PCSK6: variants seen among roughly 807,000 people sequenced by gnomAD.
The protein encoded by PCSK6 is paired basic amino acid cleaving enzyme 4.
In PCSK6, 85 loss-of-function variants were observed where a neutral mutation model predicts 123.3. The observed-to-expected ratio is 0.69, with a 90% CI of 0.58 to 0.83. The LOEUF (loss-of-function observed/expected upper bound fraction) is 0.83. Ranked by LOEUF, PCSK6 falls within the 40% of genes least tolerant of loss-of-function variation. The pLI is 0.00. For synonymous variants in PCSK6, 508 were observed against 516.0 expected, an observed-to-expected ratio of 0.98 and a Z score of 0.21; for missense variants, 1,191 against 1,282.3, an observed-to-expected ratio of 0.93 and a Z score of 1.09.
intron 13 of PCSK6, chr15:101,347,715 C>T (rs775648969): frequency 1.2e-6 from 2 of 1,613,684 alleles, no homozygotes; most frequent in Non-Finnish European, 1.7e-6. Flanking sequence ...TGCAGTATTT[C>T]ACAGAGATTA....
At chr15:101,341,126 G>A (rs1027283772) in intron 13 of PCSK6, among the ~76,000 whole-genome samples, 3 of 151,296 alleles carry the variant, frequency 2.0e-5, no homozygotes, top group Non-Finnish European at 2.9e-5. Context: ...GTAGAGACAG[G>A]GTTTCACCAT....
At chr15:101,419,867 G>C (rs548944988) in intron 6 of PCSK6, among the ~76,000 whole-genome samples, 1 of 152,016 alleles carries the variant, frequency 6.6e-6, no homozygotes, top group African/African-American at 2.4e-5. Context: ...ACTACTCACA[G>C]AAATAAATTC....
chr15:101,313,380 G>C lies in PCSK6; in HGVS notation c.2695C>G (p.Arg899Gly). The change falls in exon 20 of 22, where the codon CGA becomes GGA. Residue 899 changes from arginine to glycine, a missense_variant. Transcript: ENST00000611716. The part of the protein sequence containing the change: ...EMPGLPHKVC[R>G]RCDENCLSCA... ...TCCCCGCCAGGAGGACCGTACCTTC[G>C]ACACACTTTGTGGGGCAAGCCCGGC... The C allele has an allele frequency of 6.2e-7, 1 of 1,612,702 alleles. No individual in the cohort carries two copies. Among genetic ancestry groups the C allele is most frequent in the Non-Finnish European group, 8.5e-7 (1 of 1,179,856 alleles).
At chr15:101,413,005 TGAGGAGGAGGAG>T (rs925761371) in intron 6 of PCSK6, among the ~76,000 whole-genome samples, 36 of 106,026 alleles carry the variant, frequency 3.4e-4, no homozygotes, top group Non-Finnish European at 4.5e-4. Context: ...GGAGGAGGAG[TGAGGAGGAGGAG>T]GAGGAGGAGG....
At chr15:101,456,763 G>A (rs1440768330) in intron 1 of PCSK6, among the ~76,000 whole-genome samples, 2 of 152,206 alleles carry the variant, frequency 1.3e-5, no homozygotes, top group Admixed American at 1.3e-4. Flanking sequence ...AGGCAAGATG[G>A]AGCCGGGGAG....
At chr15:101,489,165 CCA>C (rs201861750) in intron 1 of PCSK6, among the ~76,000 whole-genome samples, 3,198 of 91,120 alleles carry the variant, frequency 0.035, 379 homozygotes, top group African/African-American at 0.072. Context: ...CCAGTCCCCC[CCA>C]CCCCGCCGAG....
Position 101,305,552 on chromosome 15 carries a change from A to G in PCSK6, c.2813-197T>C. On this transcript the variant is annotated intron_variant, in intron 21 of 21. Transcript: ENST00000611716. This position sits in a 1 kb window ranked among gnomAD's most constrained non-coding sequence, Gnocchi z 4.8. ...GTGAAACCCCGTCTCTACTAATAAT[A>G]TAAAAATTAGCTGGGCATGGTGGTG... The G allele has an allele frequency of 2.0e-6, 1 of 498,852 alleles. No homozygotes were observed. The highest frequency in any genetic ancestry group is 3.7e-6 in the Non-Finnish European group (1 of 273,934). 30.9% of individuals were successfully genotyped at this position (498,852 alleles called of 1,614,324 possible). A position where few individuals can be genotyped will look rare whatever the true frequency, so the allele number is the denominator to read the frequency against.
chr15:101,445,966 C>T (rs2056878731), intron 1 of PCSK6, among the ~76,000 whole-genome samples: 2 of 152,246 alleles, frequency 1.3e-5, no homozygotes, highest in East Asian at 1.9e-4. Flanking sequence ...CCCCCTGCCC[C>T]GGGGCCGCCA....
intron 1 of PCSK6, among the ~76,000 whole-genome samples, chr15:101,465,433 C>T (rs1299464138): frequency 6.6e-6 from 1 of 152,200 alleles, no homozygotes; most frequent in Non-Finnish European, 1.5e-5. Context: ...TGCAGCTCAG[C>T]CCCTCCTGAG....
intron 13 of PCSK6, among the ~76,000 whole-genome samples, chr15:101,354,498 T>C (rs1331339162): frequency 6.6e-6 from 1 of 152,268 alleles, no homozygotes; most frequent in Non-Finnish European, 1.5e-5. Context: ...CACGGCACAT[T>C]GAGCATTTAC....
intron 15 of PCSK6, among the ~76,000 whole-genome samples, chr15:101,329,960 C>T (rs1596190450): frequency 1.3e-5 from 2 of 152,200 alleles, no homozygotes; most frequent in African/African-American, 4.8e-5. Flanking sequence ...AGGTGCAGAC[C>T]CCCAGGCGTC....
chr15:101,384,979 C>T (rs952313273), intron 9 of PCSK6, among the ~76,000 whole-genome samples: 1 of 152,186 alleles, frequency 6.6e-6, no homozygotes, highest in African/African-American at 2.4e-5. Flanking sequence ...ACTAAATACA[C>T]AGATGATTTT....
intron 18 of PCSK6, among the ~76,000 whole-genome samples, chr15:101,321,434 T>A (rs1007445569): frequency 6.6e-6 from 1 of 152,208 alleles, no homozygotes; most frequent in Non-Finnish European, 1.5e-5. Flanking sequence ...AGTAGCATAG[T>A]GCCTCCTGGG....
chr15:101,393,304 T>C lies in PCSK6; in HGVS notation c.1117A>G (p.Thr373Ala). ...TACCAGGGCTTGTAGCCATTCTCGGTGGCGCTGCTGACGGAGATGGTGTAG... is the reference window on the plus strand; with the variant it reads ...TACCAGGGCTTGTAGCCATTCTCGGCGGCGCTGCTGACGGAGATGGTGTAG... Reference protein sequence around the residue: ...SIYTISVSSATENGYKPWYLE... With the variant: ...SIYTISVSSAAENGYKPWYLE... The change falls in exon 8 of 22, where the codon ACC becomes GCC. Residue 373 changes from threonine (T) to alanine (A), a missense_variant. Thr to Ala is a moderately conservative substitution (Grantham distance 58). Around this residue, in one of 3 missense-constraint regions of PCSK6, gnomAD observed 357 missense variants for 484.5 expected, o/e 0.74. Coordinates refer to ENST00000611716, the MANE Select transcript of PCSK6 (RefSeq NM_002570.5). 2 of 1,612,464 alleles carry C rather than the reference T, an allele frequency of 1.2e-6. No homozygotes were observed. The highest frequency in any genetic ancestry group is 1.7e-6 in the Non-Finnish European group (2 of 1,179,292).
At chr15:101,457,039 G>A in intron 1 of PCSK6, among the ~76,000 whole-genome samples, 1 of 152,250 alleles carries the variant, frequency 6.6e-6, no homozygotes, top group East Asian at 1.9e-4. Flanking sequence ...TGGGTGTGGT[G>A]GTGCACACCT....
At chr15:101,458,842 A>T (rs2057260983) in intron 1 of PCSK6, among the ~76,000 whole-genome samples, 1 of 152,192 alleles carries the variant, frequency 6.6e-6, no homozygotes, top group East Asian at 1.9e-4. Flanking sequence ...AGTTTTGGGT[A>T]TACCTCTGTC....
chr15:101,422,243 G>A (rs904999258), intron 6 of PCSK6, among the ~76,000 whole-genome samples: 1 of 152,082 alleles, frequency 6.6e-6, no homozygotes, highest in Non-Finnish European at 1.5e-5. Context: ...ATTTCAGAAA[G>A]GAGAGATCTA....
intron 13 of PCSK6, among the ~76,000 whole-genome samples, chr15:101,359,718 C>A (rs1185654792): frequency 6.6e-6 from 1 of 152,216 alleles, no homozygotes. Context: ...GCAGGGCATG[C>A]GGTTCCGTGC....
intron 2 of PCSK6, among the ~76,000 whole-genome samples, chr15:101,439,050 G>A (rs1231240299): frequency 6.6e-6 from 1 of 152,094 alleles, no homozygotes; most frequent in Non-Finnish European, 1.5e-5. Context: ...GACTGGCCGG[G>A]GCAAGGATGC....
Sources: allele counts gnomAD v4.1 joint callset (sites outside exome capture counted in the v4.1 genomes callset), GRCh38; gene constraint gnomAD v4.1.1; regional missense constraint gnomAD v4.1.1; non-coding constraint Gnocchi (gnomAD v3.1); transcripts MANE v1.5; gene names NCBI Gene and HGNC (gene_info 2026-07-23, HGNC 2026-07-21).